The following RMC1 variants were observed in gnomAD, a reference collection of about 807,000 sequenced individuals.
RMC1 encodes the protein regulator of MON1-CCZ1, also known as regulator of MON1-CCZ1 complex.
RMC1 carries 44 observed loss-of-function variants against 95.5 expected under a neutral mutation model. That is an observed-to-expected ratio of 0.46 (90% CI 0.36 to 0.59). The LOEUF (loss-of-function observed/expected upper bound fraction) is 0.59, where lower values mean the gene tolerates loss of function less well. RMC1 is among the 20% of genes least tolerant of loss of function. RMC1 has a pLI of 0.00. For missense variants in RMC1, 705 were observed against 819.6 expected (o/e 0.86, Z 1.71); for synonymous variants, 320 against 303.6 (o/e 1.05, Z -0.56).
chr18:23,512,962 C>CTTTTTTTTTTTTTTTTTTTTTTTTTTTT (rs949706174), intron 5 of RMC1, among the ~76,000 whole-genome samples: 1 of 150,642 alleles, frequency 6.6e-6, no homozygotes, highest in South Asian at 2.1e-4. Context: ...AATTTGACTC[C>CTTTTTTTTTTTTTTTTTTTTTTTTTTTT]TTTTTTTTTA....
rs1387947359 is a variant in RMC1, at chr18:23,526,661, A to T, written c.1085A>T (p.Lys362Ile). Residue 362 changes from lysine (K) to isoleucine (I), a missense_variant, in exon 13 of 20, where the codon AAA becomes ATA. Coordinates refer to ENST00000269221, the MANE Select transcript of RMC1 (RefSeq NM_013326.5). The part of the protein sequence containing the change: ...SQGYLWNLQV[K>I]LEPIVNLLPD... ...GGTTACCTCTGGAACCTCCAAGTGA[A>T]ACTTGAGCCCATAGTAAATCTCTTA... 3 of 1,614,022 alleles carry T rather than the reference A, an allele frequency of 1.9e-6. No homozygotes were observed. The highest frequency in any genetic ancestry group is 1.7e-6 in the Non-Finnish European group (2 of 1,180,014).
chr18:23,516,725 TTC>T lies in RMC1; in HGVS notation c.653+304_653+305del, dbSNP rs200186840. ...AGTATCTTTGTTTTAGAATTTCTTC[TTC>T]TTTTTTTTTTTTTTTCGAGACAGAG... On this transcript the variant is annotated intron_variant, in intron 7 of 19. Coordinates refer to ENST00000269221, the MANE Select transcript of RMC1 (RefSeq NM_013326.5). 3.7e-3 allele frequency among the ~76,000 whole-genome samples: 513 copies of T among 139,768 alleles called. 6 individuals are homozygous for T. Among genetic ancestry groups the T allele is most frequent in the Non-Finnish European group, 5.1e-3 (329 of 64,076 alleles). The allele number at this position is 139,768 out of a possible 152,430, so 91.7% of individuals were successfully genotyped here.
intron 5 of RMC1, among the ~76,000 whole-genome samples, chr18:23,515,213 CCAGGCATGTGGAGGCA>C (rs2057967514): frequency 6.6e-6 from 1 of 152,066 alleles, no homozygotes; most frequent in South Asian, 2.1e-4. Flanking sequence ...CTCCACATGC[CCAGGCATGTGGAGGCA>C]CAGATAAGGA....
intron 5 of RMC1, among the ~76,000 whole-genome samples, chr18:23,511,130 G>A (rs1209405692): frequency 2.0e-5 from 3 of 152,212 alleles, no homozygotes; most frequent in African/African-American, 7.2e-5. Flanking sequence ...TATATACCAT[G>A]GAATACTATG....
chr18:23,504,909 C>G (rs567801749), intron 2 of RMC1, among the ~76,000 whole-genome samples: 2 of 152,294 alleles, frequency 1.3e-5, no homozygotes, highest in South Asian at 2.1e-4. Context: ...TAATGATCAA[C>G]AGCAGGGCCT....
Position 23,530,067 on chromosome 18 carries a change from C to T in RMC1, c.1534C>T (p.His512Tyr), listed in dbSNP as rs1393087194. The T allele has an allele frequency of 6.2e-7, 1 of 1,614,220 alleles. No homozygotes were observed. The highest frequency in any genetic ancestry group is 8.5e-7 in the Non-Finnish European group (1 of 1,180,032). The stretch of plus-strand genomic sequence containing the variant: ...ACTTGTTATCAAAACCCTTGTCCAG[C>T]ACAACCTCTTTTATATGCTGCATCA... ...HELVIKTLVQ[H>Y]NLFYMLHQFL... Residue 512 changes from histidine (H) to tyrosine (Y), a missense_variant, in exon 17 of 20, where the codon CAC becomes TAC. Transcript: ENST00000269221.
chr18:23,530,189 T>C (rs1567936884), intron 17 of RMC1, 40 bp from the exon 18 acceptor site: 1 of 1,613,984 alleles, frequency 6.2e-7, no homozygotes. Context: ...ATTTTAACCG[T>C]TATCTTTCCA....
chr18:23,524,190 G>A lies in RMC1; in HGVS notation c.1006+16G>A, dbSNP rs1487960647. The A allele has an allele frequency of 6.2e-7, 1 of 1,612,776 alleles. No homozygotes were observed. Among genetic ancestry groups the A allele is most frequent in the South Asian group, 1.1e-5 (1 of 91,078 alleles). The stretch of plus-strand genomic sequence containing the variant: ...TGTAAACTCTGTATCCTTTACTAAG[G>A]TGTGGCACCGTGCACAACAGGGCAA... On this transcript the variant is annotated intron_variant, in intron 11 of 19. Coordinates refer to ENST00000269221, the MANE Select transcript of RMC1 (RefSeq NM_013326.5).
intron 12 of RMC1, among the ~76,000 whole-genome samples, chr18:23,524,873 G>C (rs2058247605): frequency 6.7e-6 from 1 of 150,232 alleles, no homozygotes; most frequent in South Asian, 2.1e-4. Context: ...CCTCTTTCTG[G>C]CCTTGCTGAG....
At chr18:23,519,451 G>A (rs970885416) in intron 9 of RMC1, among the ~76,000 whole-genome samples, 2 of 152,006 alleles carry the variant, frequency 1.3e-5, no homozygotes, top group Admixed American at 6.6e-5. Context: ...CCAGGAGGTC[G>A]GGGCTTCAGT....
chr18:23,516,097 C>T, intron 6 of RMC1, 101 bp downstream of exon 6: 2 of 1,543,140 alleles, frequency 1.3e-6, no homozygotes, highest in Non-Finnish European at 1.8e-6. Flanking sequence ...GTTCCTCTAG[C>T]CGTAACGTCA....
chr18:23,516,246 G>A, intron 6 of RMC1, 74 bp from the exon 7 acceptor site: 1 of 1,518,240 alleles, frequency 6.6e-7, no homozygotes, highest in Non-Finnish European at 9.1e-7. Context: ...TATCCTTGTT[G>A]GTTTTACACA....
chr18:23,524,395 C>G (rs1473308862), intron 11 of RMC1, 34 bp from the exon 12 acceptor site: 1 of 1,611,274 alleles, frequency 6.2e-7, no homozygotes, highest in Non-Finnish European at 8.5e-7. Flanking sequence ...TTGTTTTCAT[C>G]TTTTCCTGGT....
chr18:23,516,036 G>C (rs764244024), intron 6 of RMC1, 40 bp downstream of exon 6: 1 of 1,613,164 alleles, frequency 6.2e-7, no homozygotes, highest in South Asian at 1.1e-5. Context: ...CCTTTCCCCA[G>C]TTGTCCCCTG....
chr18:23,529,154 A>G (rs1299523264), intron 14 of RMC1, 25 bp from the exon 15 acceptor site: 1 of 1,603,810 alleles, frequency 6.2e-7, no homozygotes, highest in African/African-American at 1.3e-5. Flanking sequence ...GCCGAAGATC[A>G]TAGTTTGTGG....
chr18:23,530,823 T>C (rs2058474047), intron 19 of RMC1, among the ~76,000 whole-genome samples: 1 of 152,126 alleles, frequency 6.6e-6, no homozygotes, highest in East Asian at 1.9e-4. Context: ...ACCGAGGAGG[T>C]GTGTTTTGAG....
chr18:23,509,003 C>T (rs2057781025), intron 4 of RMC1, among the ~76,000 whole-genome samples, 190 bp from the exon 5 acceptor site: 1 of 152,036 alleles, frequency 6.6e-6, no homozygotes, highest in Non-Finnish European at 1.5e-5. Flanking sequence ...GATTCAGGTT[C>T]TTGAATGAAG....
At chr18:23,504,349 C>A in intron 1 of RMC1, 22 bp from the exon 2 acceptor site, 1 of 1,612,146 alleles carries the variant, frequency 6.2e-7, no homozygotes, top group Non-Finnish European at 8.5e-7. Context: ...AGGCTGTTAA[C>A]CTTGCTGCTT....
At chr18:23,518,408 C>T (rs569436446) in intron 7 of RMC1, among the ~76,000 whole-genome samples, 4 of 152,086 alleles carry the variant, frequency 2.6e-5, no homozygotes, top group East Asian at 1.9e-4. Flanking sequence ...GAGGGAAGAT[C>T]GCCAAAGCCT....
Sources: allele counts gnomAD v4.1 joint callset (sites outside exome capture counted in the v4.1 genomes callset), GRCh38; gene constraint gnomAD v4.1.1; transcripts MANE v1.5; gene names NCBI Gene and HGNC (gene_info 2026-07-23, HGNC 2026-07-21).